The following TTN variants were observed in gnomAD, a reference collection of about 807,000 sequenced individuals.
TTN encodes titin, also known as connectin.
TTN carries 1,525 observed loss-of-function variants against 3,223.0 expected under a neutral mutation model. The observed-to-expected ratio is 0.47, with a 90% CI of 0.45 to 0.49. The LOEUF (loss-of-function observed/expected upper bound fraction) is 0.49, where lower values mean the gene tolerates loss of function less well. Ranked by LOEUF, TTN falls within the 20% of genes least tolerant of loss-of-function variation. The pLI, the probability that TTN is intolerant of heterozygous loss-of-function variation, is 0.00. For synonymous variants in TTN, 14,094 were observed against 15,161.0 expected (o/e 0.93, Z 5.17); for missense variants, 40,786 against 43,424.0 (o/e 0.94, Z 5.40).
In TTN at chr2:178,800,375, C is replaced by T. The variant is rs1388980541; in HGVS notation, c.583+20G>A. 8 of 1,614,014 alleles carry T rather than the reference C, an allele frequency of 5.0e-6. No individual in the cohort carries two copies. The highest frequency in any genetic ancestry group is 1.6e-4 in the Middle Eastern group (1 of 6,062). On this transcript the variant is annotated intron_variant, in intron 4 of 362. Coordinates refer to ENST00000589042, the MANE Select transcript of TTN (RefSeq NM_001267550.2). Reference sequence around the variant, plus strand: ...CCAGCTCTCTCCCCTTCTCTCTGTTCCTCAACCTCCAGCACGTACCTTGAA... The same window carrying T: ...CCAGCTCTCTCCCCTTCTCTCTGTTTCTCAACCTCCAGCACGTACCTTGAA...
In TTN at chr2:178,584,536, T is replaced by C; in HGVS notation, c.65015A>G (p.Asn21672Ser). ...CCAAGCAACAAAAATACAGTCCTTG[T>C]TGACTTTGGTGACTCGTGCATTCTT... Reference protein sequence around the residue: ...EPKNARVTKVNKDCIFVAWDR... With the variant: ...EPKNARVTKVSKDCIFVAWDR... The change falls in exon 311 of 363, where the codon AAC becomes AGC. Residue 21672 changes from asparagine (N) to serine (S), a missense_variant. By Grantham distance (46) the Asn-to-Ser change is conservative. Transcript: ENST00000589042. 2 of 1,612,954 alleles carry C rather than the reference T, an allele frequency of 1.2e-6. No individual in the cohort carries two copies. The highest frequency in any genetic ancestry group is 8.5e-7 in the Non-Finnish European group (1 of 1,179,308).
At chr2:178,744,560 A>G (rs2083101633) in intron 47 of TTN, 2 of 903,398 alleles carry the variant, frequency 2.2e-6, no homozygotes, top group African/African-American at 3.6e-5. Flanking sequence ...TAAAAATTGA[A>G]TGCTTATTAA....
Position 178,633,434 on chromosome 2 carries a change from T to C in TTN, c.42925A>G (p.Lys14309Glu), listed in dbSNP as rs908530219. Residue 14309 changes from lysine (K) to glutamate (E), a missense_variant, in exon 232 of 363, where the codon AAG (lysine) becomes GAG (glutamate). Transcript: ENST00000589042. ...YVCDCGTDKT[K>E]ANVTVEARLI... is the part of the protein sequence containing the mutation. ...TCACCCTCAACAGTAACATTTGCCTTGGTCTTGTCTGTGCCACAGTCACAC... is the reference window on the plus strand; with the variant it reads ...TCACCCTCAACAGTAACATTTGCCTCGGTCTTGTCTGTGCCACAGTCACAC... 3.1e-6 allele frequency: 5 copies of C among 1,613,426 alleles called. No homozygotes were observed. The highest frequency in any genetic ancestry group is 4.2e-6 in the Non-Finnish European group (5 of 1,179,578).
rs1175326019 is a variant in TTN, at chr2:178,738,153, C to T, written c.14300G>A (p.Cys4767Tyr). 6.2e-7 allele frequency: 1 copy of T among 1,613,842 alleles called. No homozygotes were observed. Among genetic ancestry groups the T allele is most frequent in the South Asian group, 1.1e-5 (1 of 91,080 alleles). ...GGAAGCTTTGCATGTATACTCGCCG[C>T]AGTCAACCACCTGGGTTCTCAGGAT... ...LEILRTQVVD[C>Y]GEYTCKASNE... Residue 4767 changes from cysteine (C) to tyrosine (Y), a missense_variant, in exon 49 of 363, where the codon TGC becomes TAC. Transcript: ENST00000589042.
Position 178,597,777 on chromosome 2 carries a change from A to G in TTN, c.57305T>C (p.Ile19102Thr), listed in dbSNP as rs878854319. 1 of 1,613,258 alleles carries G rather than the reference A, an allele frequency of 6.2e-7. No individual in the cohort carries two copies. Among genetic ancestry groups the G allele is most frequent in the South Asian group, 1.1e-5 (1 of 91,066 alleles). ...GATCACCCCTCCAGCATGGACAACA[A>G]TTCTATCTCTGACACTGGCATCTAG... ...LQLDASVRDR[I>T]VVHAGGVIRI... Residue 19102 changes from isoleucine (I) to threonine (T), a missense_variant, in exon 294 of 363, where the codon ATT (isoleucine) becomes ACT (threonine). Coordinates refer to ENST00000589042, the MANE Select transcript of TTN (RefSeq NM_001267550.2).
chr2:178,531,724 T>C lies in TTN; in HGVS notation c.104891A>G (p.Asn34964Ser), dbSNP rs769356385. Residue 34964 changes from asparagine (N) to serine (S), a missense_variant, in exon 358 of 363, where the codon AAT becomes AGT. By Grantham distance (46) the Asn-to-Ser change is conservative. Coordinates refer to ENST00000589042, the MANE Select transcript of TTN (RefSeq NM_001267550.2). ...PCGQNTRFIL[N>S]VQSKPTAEVK... ...CTCGGCAGTTGGCTTAGACTGAACA[T>C]TTAAAATAAAACGTGTATTTTGGCC... The C allele has an allele frequency of 1.9e-6, 3 of 1,614,020 alleles. No homozygotes were observed. Among genetic ancestry groups the C allele is most frequent in the Non-Finnish European group, 2.5e-6 (3 of 1,179,888 alleles).
chr2:178,618,042 A>C lies in TTN; in HGVS notation c.47309T>G (p.Val15770Gly). Reference sequence around the variant, plus strand: ...TGTCAGTGAGACACCAAATCGATTCACATCAGTGATGGTTACATTCAAAGG... The same window carrying C: ...TGTCAGTGAGACACCAAATCGATTCCCATCAGTGATGGTTACATTCAAAGG... ...GPPLNVTITD[V>G]NRFGVSLTWE... is the part of the protein sequence containing the mutation. Residue 15770 changes from valine (V) to glycine (G), a missense_variant, in exon 253 of 363, where the codon GTG (valine) becomes GGG (glycine). Transcript: ENST00000589042. 1 of 1,612,380 alleles carries C rather than the reference A, an allele frequency of 6.2e-7. No individual in the cohort carries two copies. The highest frequency in any genetic ancestry group is 8.5e-7 in the Non-Finnish European group (1 of 1,179,070).
rs1458763630 is a variant in TTN at position 178,599,822 on chromosome 2, G to T, written c.56079C>A (p.Phe18693Leu). Residue 18693 changes from phenylalanine (F) to leucine (L), a missense_variant, in exon 289 of 363, where the codon TTC (phenylalanine) becomes TTA (leucine). By Grantham distance (22) the Phe-to-Leu change is conservative. Coordinates refer to ENST00000589042, the MANE Select transcript of TTN (RefSeq NM_001267550.2). ...TCPPSIDLKE[F>L]MEVEEGTNVN... ...CATTGGTTCCTTCTTCAACCTCCAT[G>T]AATTCTTTTAGATCAATTGATGGTG... 1 of 1,598,004 alleles carries T rather than the reference G, an allele frequency of 6.3e-7. No homozygotes were observed. Among genetic ancestry groups the T allele is most frequent in the South Asian group, 1.1e-5 (1 of 87,932 alleles).
intron 41 of TTN, 36 bp downstream of exon 41, chr2:178,766,345 G>T: frequency 1.3e-6 from 2 of 1,495,876 alleles, no homozygotes; most frequent in Non-Finnish European, 1.9e-6. Context: ...ATTTCTGATG[G>T]ATCCACAAAA....
rs897387933 is a variant in TTN, at chr2:178,690,045, A to G, written c.31763-149T>C. On this transcript the variant is annotated intron_variant, in intron 121 of 362. Transcript: ENST00000589042. ...AATTATCCAGAAAATTAAACTAACTATACTATTCCAAGGATCACAATGTGA... is the reference window on the plus strand; with the variant it reads ...AATTATCCAGAAAATTAAACTAACTGTACTATTCCAAGGATCACAATGTGA... 14 of 642,520 alleles carry G rather than the reference A, an allele frequency of 2.2e-5. No homozygotes were observed. The African/African-American group carries it at 2.2e-4, about 10-fold the overall frequency. The allele number at this position is 642,520 out of a possible 1,614,324, so 39.8% of individuals were successfully genotyped here. A position where few individuals can be genotyped will look rare whatever the true frequency, so the allele number is the denominator to read the frequency against.
chr2:178,528,690 C>G lies in TTN; in HGVS notation c.107061G>C (p.Lys35687Asn), dbSNP rs113190638. The G allele has an allele frequency of 3.1e-6, 5 of 1,613,518 alleles. No homozygotes were observed. The highest frequency in any genetic ancestry group is 3.4e-6 in the Non-Finnish European group (4 of 1,179,712). ...CISKTKEGIV[K>N]CQYDLTLSKE... ...TGCTCAGTGTCAAATCATACTGACA[C>G]TTGACGATTCCTTCCTTGGTTTTGC... The change falls in exon 360 of 363, where the codon AAG becomes AAC. Residue 35687 changes from lysine (K) to asparagine (N), a missense_variant. By Grantham distance (94) the Lys-to-Asn change is moderately conservative. Transcript: ENST00000589042.
Position 178,569,593 on chromosome 2 carries a change from G to A in TTN, c.76539C>T (p.Asp25513=). ...EKLEAPDIDL[D]LELRKIINIR... ...TATTTATGATTTTCCTTAGTTCTAGGTCAAGATCAATGTCTGGTGCTTCTA... is the reference window on the plus strand; with the variant it reads ...TATTTATGATTTTCCTTAGTTCTAGATCAAGATCAATGTCTGGTGCTTCTA... The change falls in exon 326 of 363, where the codon GAC becomes GAT. Residue 25513 remains aspartate, a synonymous_variant. Coordinates refer to ENST00000589042, the MANE Select transcript of TTN (RefSeq NM_001267550.2). The A allele has an allele frequency of 6.2e-7, 1 of 1,612,596 alleles. No homozygotes were observed. The highest frequency in any genetic ancestry group is 2.2e-5 in the East Asian group (1 of 44,644).
At position 178,592,372 on chromosome 2, in the gene TTN, T is replaced by A. The variant is rs767646304; in HGVS notation, c.59626+7A>T. On this transcript the variant is annotated splice_region_variant and intron_variant, in intron 301 of 362. Coordinates refer to ENST00000589042, the MANE Select transcript of TTN (RefSeq NM_001267550.2). Reference sequence around the variant, plus strand: ...ATTTTTAATGGCCTAAGTAGTAAAATTCTTACCTAATACAAGTACTTTTAC... The same window carrying A: ...ATTTTTAATGGCCTAAGTAGTAAAAATCTTACCTAATACAAGTACTTTTAC... 6.2e-7 allele frequency: 1 copy of A among 1,609,596 alleles called. No individual in the cohort carries two copies. Among genetic ancestry groups the A allele is most frequent in the Non-Finnish European group, 8.5e-7 (1 of 1,178,710 alleles).
In TTN at chr2:178,571,332, T is replaced by C. The variant is rs1231946544; in HGVS notation, c.74800A>G (p.Ser24934Gly). Reference protein sequence around the residue: ...SMEVQWNEPISDGGSRVIGYH... With the variant: ...SMEVQWNEPIGDGGSRVIGYH... ...CCAATGACTCTACTTCCTCCATCAC[T>C]GATTGGCTCATTCCATTGTACTTCC... is the stretch of plus-strand genomic sequence containing the variant. Residue 24934 changes from serine (S) to glycine (G), a missense_variant, in exon 326 of 363, where the codon AGT becomes GGT. By Grantham distance (56) the Ser-to-Gly change is moderately conservative. Transcript: ENST00000589042. 3 of 1,613,466 alleles carry C rather than the reference T, an allele frequency of 1.9e-6. No individual in the cohort carries two copies. Among genetic ancestry groups the C allele is most frequent in the Non-Finnish European group, 1.7e-6 (2 of 1,179,598 alleles).
At position 178,677,779 on chromosome 2, in the gene TTN, A is replaced by G. The variant is rs770370579; in HGVS notation, c.34133T>C (p.Leu11378Pro). The G allele has an allele frequency of 6.2e-7, 1 of 1,612,688 alleles. No individual in the cohort carries two copies. Among genetic ancestry groups the G allele is most frequent in the Admixed American group, 1.7e-5 (1 of 59,920 alleles). Residue 11378 changes from leucine (L) to proline (P), a missense_variant, in exon 146 of 363, where the codon CTA (leucine) becomes CCA (proline). Transcript: ENST00000589042. ...EEVLPEEEEVLPEEEEVLPEE... is the reference protein window; with the variant it reads ...EEVLPEEEEVPPEEEEVLPEE... ...AGGTAGAACTTCCTCTTCTTCAGGT[A>G]GAACTTCCTCTTCCTCAGGTAGAAC...
chr2:178,712,697 C>G lies in TTN; in HGVS notation c.27328G>C (p.Ala9110Pro). The G allele has an allele frequency of 3.7e-6, 6 of 1,611,288 alleles. No individual in the cohort carries two copies. Among genetic ancestry groups the G allele is most frequent in the African/African-American group, 1.3e-5 (1 of 74,964 alleles). The change falls in exon 94 of 363, where the codon GCC becomes CCC. Residue 9110 changes from alanine to proline, a missense_variant and splice_region_variant. Physicochemically the swap from Ala to Pro is conservative, Grantham distance 27. Coordinates refer to ENST00000589042, the MANE Select transcript of TTN (RefSeq NM_001267550.2). ...AATCTAGAAGAGCAGTCTGACAAAC[C>G]TTTTATGTAGAGATGTGTTGTACAA... ...ASCTTHLYIK[A>P]PAKFVKRLND...
chr2:178,548,848 G>A lies in TTN; in HGVS notation c.92778C>T (p.Asp30926=). The change falls in exon 339 of 363, where the codon GAC becomes GAT. Residue 30926 remains aspartate (D), a synonymous_variant. Transcript: ENST00000589042. This position sits in a 1 kb window ranked among gnomAD's most constrained non-coding sequence, Gnocchi z 4.3. The stretch of plus-strand genomic sequence containing the variant: ...GAGTCTGTTTGAAGTTTGCATCTAT[G>A]TCTAACTCAGGAGCTGTTAACCGGT... ...AVDRLTAPEL[D]IDANFKQTHV... 1.2e-6 allele frequency: 2 copies of A among 1,613,378 alleles called. No individual in the cohort carries two copies. The highest frequency in any genetic ancestry group is 1.7e-6 in the Non-Finnish European group (2 of 1,179,814).
Position 178,780,110 on chromosome 2 carries a change from G to T in TTN, c.3619C>A (p.Pro1207Thr), listed in dbSNP as rs373753003. Residue 1207 changes from proline (P) to threonine (T), a missense_variant, in exon 22 of 363, where the codon CCT (proline) becomes ACT (threonine). Transcript: ENST00000589042. ...TCATACTCAGAGTATACAAATCCAG[G>T]TGCTGTTTCTCCAACTTTAGGTTCT... Reference protein sequence around the residue: ...VQEPKVGETAPGFVYSEYEKE... With the variant: ...VQEPKVGETATGFVYSEYEKE... 41 of 1,613,712 alleles carry T rather than the reference G, an allele frequency of 2.5e-5. No homozygotes were observed. The African/African-American group carries it at 4.7e-4, about 18-fold the overall frequency.
At chr2:178,772,912 G>A in intron 33 of TTN, 197 bp downstream of exon 33, 1 of 641,846 alleles carries the variant, frequency 1.6e-6, no homozygotes, top group Non-Finnish European at 2.7e-6. Context: ...TGGAGAAGGT[G>A]ACGTTTGAGG....
Sources: gnomAD v4.1 joint callset for allele counts on GRCh38, gnomAD v4.1.1 for gene constraint, Gnocchi (gnomAD v3.1) non-coding constraint, MANE v1.5 for transcripts, NCBI Gene and HGNC (gene_info 2026-07-23, HGNC 2026-07-21) for gene names.